The following SCAF11 variants were observed in gnomAD, a reference collection of about 807,000 sequenced individuals.
The protein encoded by SCAF11 is SR-related CTD associated factor 11, also known as protein SCAF11.
In SCAF11, 47 loss-of-function variants were observed where a neutral mutation model predicts 140.5. That is an observed-to-expected ratio of 0.33 (90% CI 0.26 to 0.43). The LOEUF is 0.43. Among genes scored for constraint, SCAF11 ranks in the 20% least tolerant of loss-of-function variants. SCAF11 has a pLI of 1.00. For synonymous variants in SCAF11, 557 were observed against 579.4 expected (o/e 0.96, Z 0.55); for missense variants, 1,645 against 1,705.1 (o/e 0.96, Z 0.62).
chr12:45,975,312 C>G (rs1323627206), intron 1 of SCAF11: 1 of 152,202 alleles, frequency 6.6e-6, no homozygotes, highest in Non-Finnish European at 1.5e-5. Context: ...AGCTTTGAAG[C>G]CAGGCATTGA....
chr12:45,939,789 CTAGA>C (rs1216962113), intron 6 of SCAF11, among the ~76,000 whole-genome samples: 1 of 152,138 alleles, frequency 6.6e-6, no homozygotes, highest in Admixed American at 6.5e-5. Context: ...CCAATCAATC[CTAGA>C]TAAAGAGACA....
intron 1 of SCAF11, among the ~76,000 whole-genome samples, chr12:45,965,046 G>T (rs1465992199): frequency 6.6e-6 from 1 of 152,064 alleles, no homozygotes; most frequent in Non-Finnish European, 1.5e-5. Context: ...ACAGTGAGAG[G>T]TAATAAGAAA....
Position 45,927,303 on chromosome 12 carries a change from T to G in SCAF11, c.2398A>C (p.Thr800Pro), listed in dbSNP as rs1164212655. The stretch of plus-strand genomic sequence containing the variant: ...GGAGTGTCTTTGTTGGGTGACCAAG[T>G]TGTAGATGGAGAATGAAATCTAGAT... ...RRSRFHSPST[T>P]WSPNKDTPQE... The change falls in exon 11 of 15, where the codon ACT (threonine) becomes CCT (proline). Residue 800 changes from threonine (T) to proline (P), a missense_variant. Transcript: ENST00000369367. The G allele has an allele frequency of 6.2e-7, 1 of 1,613,924 alleles. No individual in the cohort carries two copies. Among genetic ancestry groups the G allele is most frequent in the African/African-American group, 1.3e-5 (1 of 74,888 alleles).
intron 13 of SCAF11, 133 bp from the exon 14 acceptor site, chr12:45,922,715 AGTTT>A (rs1217307968): frequency 1.0e-6 from 1 of 968,494 alleles, no homozygotes. Flanking sequence ...AATATAAAAC[AGTTT>A]ATTTACTAAA....
intron 1 of SCAF11, among the ~76,000 whole-genome samples, chr12:45,983,742 A>AACATAC (rs1555172646): frequency 7.5e-6 from 1 of 133,906 alleles, no homozygotes; most frequent in Non-Finnish European, 1.6e-5. Flanking sequence ...CTAAACCTAA[A>AACATAC]ACACACACAC....
At chr12:45,940,495 G>A (rs1485584460) in intron 6 of SCAF11, among the ~76,000 whole-genome samples, 2 of 152,202 alleles carry the variant, frequency 1.3e-5, no homozygotes, top group Non-Finnish European at 2.9e-5. Context: ...TGGATATAGA[G>A]TCAGAAGACT....
At chr12:45,953,558 ATAAAAT>A (rs1945602348) in intron 3 of SCAF11, among the ~76,000 whole-genome samples, 1 of 152,300 alleles carries the variant, frequency 6.6e-6, no homozygotes, top group Non-Finnish European at 1.5e-5. Flanking sequence ...ACATAGATAA[ATAAAAT>A]TAAAAGTGTA....
chr12:45,991,826 G>C, upstream of SCAF11: 1 of 1,159,834 alleles, frequency 8.6e-7, no homozygotes, highest in South Asian at 1.6e-5. Flanking sequence ...TCCCACCCAC[G>C]CCCTTGTCCT....
chr12:45,956,746 T>A (rs945214567), intron 3 of SCAF11, among the ~76,000 whole-genome samples: 1 of 152,208 alleles, frequency 6.6e-6, no homozygotes, highest in African/African-American at 2.4e-5. Flanking sequence ...CTTTATCTAG[T>A]GTAAAAACAA....
At chr12:45,985,293 C>T (rs1022955500) in intron 1 of SCAF11, among the ~76,000 whole-genome samples, 2 of 152,128 alleles carry the variant, frequency 1.3e-5, no homozygotes, top group Admixed American at 6.6e-5. Context: ...TTTGATCAAC[C>T]CCCTGCATGT....
chr12:45,989,973 C>CT (rs1414527996), intron 1 of SCAF11, among the ~76,000 whole-genome samples: 1 of 150,930 alleles, frequency 6.6e-6, no homozygotes, highest in Non-Finnish European at 1.5e-5. Context: ...CGTGGAGCCC[C>CT]TTCCCCCCCC....
chr12:45,966,903 T>G (rs1367896929), intron 1 of SCAF11, among the ~76,000 whole-genome samples: 1 of 152,224 alleles, frequency 6.6e-6, no homozygotes, highest in African/African-American at 2.4e-5. Context: ...ATATTAAGGT[T>G]GGAGTTAACT....
intron 1 of SCAF11, among the ~76,000 whole-genome samples, chr12:45,989,982 C>T (rs868312859): frequency 4.6e-5 from 7 of 151,910 alleles, no homozygotes; most frequent in South Asian, 4.2e-4. Flanking sequence ...CCTTCCCCCC[C>T]CCCCGTAGGA....
rs753743183 is a variant in SCAF11, at chr12:45,926,915, G to A, written c.2786C>T (p.Thr929Ile). Reference sequence around the variant, plus strand: ...AGATCTGGACCTAGACCACTTTCTGGTTCTCCTTTCTCTCTCTCTCCTCTG... The same window carrying A: ...AGATCTGGACCTAGACCACTTTCTGATTCTCCTTTCTCTCTCTCTCCTCTG... Reference protein sequence around the residue: ...DGQRRERERRTRKWSRSRSHS... With the variant: ...DGQRRERERRIRKWSRSRSHS... Residue 929 changes from threonine to isoleucine, a missense_variant, in exon 11 of 15, where the codon ACC (threonine) becomes ATC (isoleucine). Thr to Ile is a moderately conservative substitution (Grantham distance 89). Transcript: ENST00000369367. 2 of 1,612,968 alleles carry A rather than the reference G, an allele frequency of 1.2e-6. No individual in the cohort carries two copies. The highest frequency in any genetic ancestry group is 1.7e-6 in the Non-Finnish European group (2 of 1,179,974).
intron 1 of SCAF11, among the ~76,000 whole-genome samples, chr12:45,969,912 T>C (rs1946034721): frequency 6.6e-6 from 1 of 152,142 alleles, no homozygotes; most frequent in African/African-American, 2.4e-5. Context: ...ATTTTTTTTT[T>C]CTTAAGACGG....
At chr12:45,978,584 C>G (rs750397623) in intron 1 of SCAF11, among the ~76,000 whole-genome samples, 1 of 152,114 alleles carries the variant, frequency 6.6e-6, no homozygotes, top group Non-Finnish European at 1.5e-5. Context: ...GTCAACAGCA[C>G]TGTATTTTCA....
intron 3 of SCAF11, among the ~76,000 whole-genome samples, chr12:45,956,798 T>C (rs1488038246): frequency 1.3e-5 from 2 of 152,224 alleles, no homozygotes; most frequent in African/African-American, 4.8e-5. Context: ...TTACATATTC[T>C]GACATTTAAA....
intron 1 of SCAF11, among the ~76,000 whole-genome samples, chr12:45,989,582 G>T (rs1946541082): frequency 6.6e-6 from 1 of 152,184 alleles, no homozygotes; most frequent in African/African-American, 2.4e-5. Context: ...ACGTGTTGGT[G>T]GCAAGACCGC....
intron 12 of SCAF11, 79 bp downstream of exon 12, chr12:45,924,649 C>CT: frequency 3.3e-6 from 4 of 1,207,866 alleles, no homozygotes; most frequent in Non-Finnish European, 3.5e-6. Flanking sequence ...GCCAGGATGC[C>CT]TTTTTTTGAA....
Sources: gnomAD v4.1 joint callset for allele counts (sites outside exome capture counted in the v4.1 genomes callset) on GRCh38, gnomAD v4.1.1 for gene constraint, MANE v1.5 for transcripts, NCBI Gene and HGNC (gene_info 2026-07-23, HGNC 2026-07-21) for gene names.